Variants in ATG5 observed in about 807,000 individuals in gnomAD.
ATG5 encodes the protein autophagy protein 5.
In ATG5, 14 loss-of-function variants were observed where a neutral mutation model predicts 36.5. That is an observed-to-expected ratio of 0.38 (90% CI 0.25 to 0.60). The LOEUF is 0.60. Ranked by LOEUF, ATG5 falls within the 20% of genes least tolerant of loss-of-function variation. The pLI is 0.60. For missense variants in ATG5, 195 were observed against 326.7 expected (o/e 0.60, Z 3.11); for synonymous variants, 95 against 101.5 (o/e 0.94, Z 0.38).
At chr6:106,243,891 A>C (rs2114501231) in intron 6 of ATG5, among the ~76,000 whole-genome samples, 1 of 148,390 alleles carries the variant, frequency 6.7e-6, no homozygotes, top group East Asian at 2.0e-4. Flanking sequence ...AACAAAGATA[A>C]GTAGGAACCA....
chr6:106,292,633 C>A (rs1308230339), intron 4 of ATG5, among the ~76,000 whole-genome samples: 3 of 152,148 alleles, frequency 2.0e-5, no homozygotes, highest in African/African-American at 7.2e-5. Context: ...AAAATTAACA[C>A]CAACTTTCAA....
chr6:106,198,937 A>C (rs1776311515), intron 7 of ATG5, among the ~76,000 whole-genome samples: 1 of 152,236 alleles, frequency 6.6e-6, no homozygotes, highest in South Asian at 2.1e-4. Flanking sequence ...CCATGAAAAA[A>C]AACAAGGATT....
intron 6 of ATG5, among the ~76,000 whole-genome samples, chr6:106,241,523 T>C (rs1302588117): frequency 6.6e-6 from 1 of 152,232 alleles, no homozygotes; most frequent in East Asian, 1.9e-4. Flanking sequence ...AAACAGGGTG[T>C]ACACCCATTT....
chr6:106,202,178 T>C, intron 6 of ATG5, 89 bp from the exon 7 acceptor site: 4 of 945,854 alleles, frequency 4.2e-6, no homozygotes, highest in Non-Finnish European at 6.7e-6. Flanking sequence ...TATGTTGGCA[T>C]TAGGTGCCTT....
chr6:106,266,620 G>A (rs571295355), intron 5 of ATG5, among the ~76,000 whole-genome samples: 79 of 152,226 alleles, frequency 5.2e-4, no homozygotes, highest in Middle Eastern at 3.4e-3. Flanking sequence ...CTGGCAAACC[G>A]AATCCAGCAG....
At chr6:106,202,351 A>T (rs1324168556) in intron 6 of ATG5, 2 of 289,626 alleles carry the variant, frequency 6.9e-6, no homozygotes, top group Non-Finnish European at 1.3e-5. Context: ...TCAAAAACTT[A>T]AAGACATTAA....
intron 6 of ATG5, among the ~76,000 whole-genome samples, chr6:106,244,573 A>G (rs1316749774): frequency 1.3e-5 from 2 of 152,158 alleles, no homozygotes; most frequent in East Asian, 3.8e-4. Flanking sequence ...TCTCCTCCCA[A>G]ACTAGAACAA....
At chr6:106,215,494 A>G (rs1472011109) in intron 6 of ATG5, among the ~76,000 whole-genome samples, 2 of 152,206 alleles carry the variant, frequency 1.3e-5, no homozygotes, top group Admixed American at 1.3e-4. Context: ...GAAATTTCAT[A>G]AAAATTCTTT....
chr6:106,225,062 T>C (rs1777402622), intron 6 of ATG5, among the ~76,000 whole-genome samples: 1 of 152,256 alleles, frequency 6.6e-6, no homozygotes, highest in Non-Finnish European at 1.5e-5. Context: ...CAATAACATC[T>C]AATAATTCCA....
chr6:106,201,816 A>T, intron 7 of ATG5, 156 bp downstream of exon 7: 1 of 436,356 alleles, frequency 2.3e-6, no homozygotes, highest in Non-Finnish European at 4.0e-6. Flanking sequence ...ACAAAATAAT[A>T]TATTAAATAT....
intron 4 of ATG5, among the ~76,000 whole-genome samples, chr6:106,280,504 T>C (rs564012799): frequency 7.2e-5 from 11 of 152,208 alleles, no homozygotes; most frequent in African/African-American, 2.6e-4. Flanking sequence ...GTTAAAAAAG[T>C]AGATTTTAAA....
intron 1 of ATG5, among the ~76,000 whole-genome samples, chr6:106,321,601 G>A (rs375408346): frequency 4.0e-5 from 6 of 151,814 alleles, no homozygotes; most frequent in South Asian, 4.2e-4. Flanking sequence ...CTCATGATCC[G>A]CCTGCCTCGG....
chr6:106,291,461 ATAT>A (rs1169685129), intron 4 of ATG5, among the ~76,000 whole-genome samples: 3 of 152,190 alleles, frequency 2.0e-5, no homozygotes, highest in African/African-American at 7.2e-5. Context: ...TAACATCCTG[ATAT>A]TATTATATCA....
At chr6:106,295,644 A>G (rs1341742864) in intron 3 of ATG5, among the ~76,000 whole-genome samples, 1 of 152,064 alleles carries the variant, frequency 6.6e-6, no homozygotes, top group South Asian at 2.1e-4. Flanking sequence ...GCTCACTACA[A>G]TCTTGACCTC....
chr6:106,195,787 C>T (rs1345415917), intron 7 of ATG5, among the ~76,000 whole-genome samples: 2 of 136,084 alleles, frequency 1.5e-5, no homozygotes, highest in African/African-American at 2.8e-5. Context: ...TGTGTGGCTG[C>T]GCTGCCTCAC....
chr6:106,284,593 G>A (rs1402861612), intron 4 of ATG5, among the ~76,000 whole-genome samples: 2 of 152,106 alleles, frequency 1.3e-5, no homozygotes, highest in African/African-American at 4.8e-5. Context: ...GAGCTCAAGT[G>A]ATACAACTGC....
chr6:106,217,248 G>A (rs114837553), intron 6 of ATG5, among the ~76,000 whole-genome samples: 1,885 of 152,138 alleles, frequency 0.012, 36 homozygotes, highest in African/African-American at 0.042. Context: ...TAAGTTACCT[G>A]TAGGAATTTA....
chr6:106,214,617 T>C (rs545470130), intron 6 of ATG5, among the ~76,000 whole-genome samples: 1 of 152,310 alleles, frequency 6.6e-6, no homozygotes, highest in East Asian at 1.9e-4. Flanking sequence ...CTTATTTAAA[T>C]TGTTATACTT....
At chr6:106,298,061 T>C (rs893355937) in intron 3 of ATG5, among the ~76,000 whole-genome samples, 2 of 150,490 alleles carry the variant, frequency 1.3e-5, no homozygotes, top group Admixed American at 6.7e-5. Context: ...GCCTCCCAGG[T>C]TCAAGCGATT....
Sources: gnomAD v4.1 joint callset for allele counts (sites outside exome capture counted in the v4.1 genomes callset) on GRCh38, gnomAD v4.1.1 for gene constraint, MANE v1.5 for transcripts, NCBI Gene and HGNC (gene_info 2026-07-23, HGNC 2026-07-21) for gene names.